EIF4E3: variants seen among roughly 807,000 people sequenced by gnomAD.
EIF4E3 encodes the protein eukaryotic translation initiation factor 4E family member 3, also known as eukaryotic translation initiation factor 4E type 3.
Under a neutral mutation model 31.7 loss-of-function variants are expected in EIF4E3, and 26 were observed. The ratio of observed to expected loss-of-function variants is 0.82; its 90% confidence interval spans 0.60 to 1.14. EIF4E3 has a LOEUF of 1.14. EIF4E3 is among the 50% of genes most tolerant of loss of function. EIF4E3 has a pLI of 0.00. For synonymous variants in EIF4E3, 128 were observed against 107.7 expected (o/e 1.19, Z -1.17); for missense variants, 304 against 270.9 (o/e 1.12, Z -0.86).
chr3:71,705,067 C>G (rs1284192755), intron 2 of EIF4E3, among the ~76,000 whole-genome samples: 1 of 152,186 alleles, frequency 6.6e-6, no homozygotes, highest in Admixed American at 6.5e-5. Context: ...CCTTCTCTTT[C>G]TCTTTTCAGT....
chr3:71,685,785 A>G (rs571900958), intron 6 of EIF4E3, among the ~76,000 whole-genome samples: 2 of 152,338 alleles, frequency 1.3e-5, no homozygotes, highest in East Asian at 3.9e-4. Context: ...AAGGCAAAAG[A>G]CTGAGTGTGA....
rs1356754243 is a variant in EIF4E3 at position 71,680,685 on chromosome 3, A to T, written c.*3997T>A. ...AGGGGCAACCCACTCTAATTGCTAT[A>T]AATGACCACAGGTTCAAAGGGACTT... On this transcript the variant is annotated 3_prime_UTR_variant, in exon 7 of 7. Transcript: ENST00000425534. The T allele has an allele frequency of 6.6e-6, 1 of 152,236 alleles. No homozygotes were observed. The highest frequency in any genetic ancestry group is 2.4e-5 in the African/African-American group (1 of 41,472). 9.4% of individuals were successfully genotyped at this position (152,236 alleles called of 1,614,324 possible).
At chr3:71,695,277 T>C (rs897154024) in intron 4 of EIF4E3, among the ~76,000 whole-genome samples, 6 of 152,150 alleles carry the variant, frequency 3.9e-5, no homozygotes, top group Admixed American at 6.5e-5. Flanking sequence ...CACTGGTTGA[T>C]GATGAAAAGT....
At position 71,739,700 on chromosome 3, in the gene EIF4E3, A is replaced by C. The variant is rs1040000464; in HGVS notation, c.-290-11077T>G. 2.0e-5 allele frequency among the ~76,000 whole-genome samples: 3 copies of C among 152,304 alleles called. No individual in the cohort carries two copies. The East Asian group carries it at 5.8e-4, about 29-fold the overall frequency. ...TGACAGAGTGAGACTCTGTCTGAAA[A>C]AAAAAAGAAATGTCATGGGAATTCC... On this transcript the variant is annotated intron_variant, in intron 1 of 7. Coordinates refer to the EIF4E3 transcript ENST00000295612.
chr3:71,686,614 GA>G (rs918251250), intron 6 of EIF4E3, among the ~76,000 whole-genome samples: 1 of 148,706 alleles, frequency 6.7e-6, no homozygotes, highest in African/African-American at 2.5e-5. Flanking sequence ...GGAAGATATC[GA>G]AGAAAACACG....
downstream of EIF4E3, among the ~76,000 whole-genome samples, chr3:71,673,152 T>C (rs1051076967): frequency 3.9e-5 from 6 of 152,232 alleles, no homozygotes. Context: ...CATAAGGTAG[T>C]GGCCGCAAGA....
At chr3:71,666,950 A>C in the EIF4E3 span, among the ~76,000 whole-genome samples, 1 of 152,160 alleles carries the variant, frequency 6.6e-6, no homozygotes, top group African/African-American at 2.4e-5. Flanking sequence ...AAAAAAAAGA[A>C]AAAAGAAAAT....
rs1420070823 is a variant in EIF4E3, at chr3:71,679,535, A to G, written c.*5147T>C. On this transcript the variant is annotated 3_prime_UTR_variant, in exon 7 of 7. Transcript: ENST00000425534. ...AGGACACAAAAGCATAGAATATCCA[A>G]AAGCTATTGTATTGGATATTCTAAT... 6.6e-6 allele frequency: 1 copy of G among 152,210 alleles called. No homozygotes were observed. The highest frequency in any genetic ancestry group is 1.9e-4 in the East Asian group (1 of 5,204). 9.4% of individuals were successfully genotyped at this position (152,210 alleles called of 1,614,324 possible).
Position 71,725,083 on chromosome 3 carries a change from C to G in EIF4E3, c.176+109G>C. 2.4e-6 allele frequency: 2 copies of G among 844,194 alleles called. No homozygotes were observed. Among genetic ancestry groups the G allele is most frequent in the Non-Finnish European group, 2.9e-6 (2 of 698,494 alleles). 52.3% of individuals were successfully genotyped at this position (844,194 alleles called of 1,614,324 possible). On this transcript the variant is annotated intron_variant, in intron 1 of 6. Coordinates refer to ENST00000425534, the MANE Select transcript of EIF4E3 (RefSeq NM_001134651.2). This position sits in a 1 kb window ranked among gnomAD's most constrained non-coding sequence, Gnocchi z 6.1. ...GGCGGACGCGCGGAGGGGCCGAGGT[C>G]TGTGCCACAGCGGAGCGGGGCCGGG...
chr3:71,692,342 G>A (rs768083211), intron 5 of EIF4E3, among the ~76,000 whole-genome samples: 6 of 152,236 alleles, frequency 3.9e-5, no homozygotes, highest in South Asian at 2.1e-4. Flanking sequence ...TTAATGGTGC[G>A]CTCATGTCCC....
intron 1 of EIF4E3, among the ~76,000 whole-genome samples, chr3:71,716,640 AC>A (rs1201212489): frequency 6.6e-6 from 1 of 152,206 alleles, no homozygotes; most frequent in African/African-American, 2.4e-5. Flanking sequence ...TGATTAAAAC[AC>A]CTTAGGTAAA....
At chr3:71,662,995 C>T in the EIF4E3 span, among the ~76,000 whole-genome samples, 1 of 152,112 alleles carries the variant, frequency 6.6e-6, no homozygotes, top group South Asian at 2.1e-4. Flanking sequence ...TTCAGCTTAC[C>T]TCCAGTGTTT....
rs913783882 is a variant in EIF4E3, at chr3:71,684,573, C to G, written c.*109G>C. On this transcript the variant is annotated 3_prime_UTR_variant, in exon 7 of 7. Transcript: ENST00000425534. ...CCATCTGCAAGGACAGAAACCCACT[C>G]TAAATTGACCAGCATCGGCTTCGGC... 1.1e-5 allele frequency: 15 copies of G among 1,384,376 alleles called. No homozygotes were observed. Among genetic ancestry groups the G allele is most frequent in the East Asian group, 2.3e-5 (1 of 42,948 alleles). The allele number at this position is 1,384,376 out of a possible 1,614,324, so 85.8% of individuals were successfully genotyped here.
At chr3:71,699,324 T>C (rs2049182149) in intron 3 of EIF4E3, among the ~76,000 whole-genome samples, 1 of 152,166 alleles carries the variant, frequency 6.6e-6, no homozygotes, top group Non-Finnish European at 1.5e-5. Flanking sequence ...ATGAGGTACA[T>C]TTCCATTTTA....
Position 71,681,587 on chromosome 3 carries a change from G to A in EIF4E3, c.*3095C>T, listed in dbSNP as rs1278866919. The A allele has an allele frequency of 6.6e-6, 1 of 152,224 alleles. No homozygotes were observed. Among genetic ancestry groups the A allele is most frequent in the Non-Finnish European group, 1.5e-5 (1 of 68,060 alleles). The allele number at this position is 152,224 out of a possible 1,614,324, so 9.4% of individuals were successfully genotyped here. On this transcript the variant is annotated 3_prime_UTR_variant, in exon 7 of 7. Transcript: ENST00000425534. ...TAATGCTTGATTAGGGTGGCTAGTG[G>A]GCAGGTTAAGGCTGGCAGATTCTGA...
chr3:71,687,423 T>C (rs2049006975), intron 6 of EIF4E3, among the ~76,000 whole-genome samples: 1 of 152,256 alleles, frequency 6.6e-6, no homozygotes, highest in Admixed American at 6.5e-5. Flanking sequence ...TTGATATTCA[T>C]ATAATTTTCA....
In EIF4E3 at chr3:71,684,589, C is replaced by A; in HGVS notation, c.*93G>T. On this transcript the variant is annotated 3_prime_UTR_variant, in exon 7 of 7. Transcript: ENST00000425534. ...AAACCCACTCTAAATTGACCAGCAT[C>A]GGCTTCGGCAAGTCTTCTCTTCACT... The A allele has an allele frequency of 6.7e-7, 1 of 1,502,974 alleles. No homozygotes were observed. The highest frequency in any genetic ancestry group is 9.2e-7 in the Non-Finnish European group (1 of 1,086,188). 93.1% of individuals were successfully genotyped at this position (1,502,974 alleles called of 1,614,324 possible).
At chr3:71,674,836 C>T (rs1214537261), downstream of EIF4E3, among the ~76,000 whole-genome samples, 1 of 152,204 alleles carries the variant, frequency 6.6e-6, no homozygotes, top group Non-Finnish European at 1.5e-5. Context: ...TTTGAAGAAG[C>T]TCTACCTTGC....
chr3:71,725,253 C>G lies in EIF4E3; in HGVS notation c.115G>C (p.Ala39Pro). 9.2e-7 allele frequency: 1 copy of G among 1,082,242 alleles called. No homozygotes were observed. The highest frequency in any genetic ancestry group is 1.1e-6 in the Non-Finnish European group (1 of 892,578). The allele number at this position is 1,082,242 out of a possible 1,614,324, so 67.0% of individuals were successfully genotyped here. Reference protein sequence around the residue: ...EPPLGLQQLSALQPEPGGVPL... With the variant: ...EPPLGLQQLSPLQPEPGGVPL... ...ACCCCGCCCGGCTCAGGCTGCAGCG[C>G]CGACAGCTGCTGCAGGCCGAGCGGC... Residue 39 changes from alanine (A) to proline (P), a missense_variant, in exon 1 of 7, where the codon GCG (alanine) becomes CCG (proline). Coordinates refer to ENST00000425534, the MANE Select transcript of EIF4E3 (RefSeq NM_001134651.2). This position sits in a 1 kb window ranked among gnomAD's most constrained non-coding sequence, Gnocchi z 6.1.
Sources: allele counts gnomAD v4.1 joint callset (sites outside exome capture counted in the v4.1 genomes callset), GRCh38; gene constraint gnomAD v4.1.1; non-coding constraint Gnocchi (gnomAD v3.1); transcripts MANE v1.5; gene names NCBI Gene and HGNC (gene_info 2026-07-23, HGNC 2026-07-21).